The following RPS6KC1 variants were observed in gnomAD, a reference collection of about 807,000 sequenced individuals.
The protein encoded by RPS6KC1 is inactive ribosomal protein S6 kinase delta-1.
In RPS6KC1, 54 loss-of-function variants were observed where a neutral mutation model predicts 103.8. The observed-to-expected ratio is 0.52, with a 90% confidence interval of 0.42 to 0.65. The LOEUF (loss-of-function observed/expected upper bound fraction) is 0.65. Ranked by LOEUF, RPS6KC1 falls within the 30% of genes least tolerant of loss-of-function variation. The pLI is 0.00. For synonymous variants in RPS6KC1, 439 were observed against 438.7 expected (o/e 1.00, Z -0.01); for missense variants, 1,151 against 1,253.8 (o/e 0.92, Z 1.24).
chr1:213,602,000 T>C, the RPS6KC1 span, among the ~76,000 whole-genome samples: 1 of 49,044 alleles, frequency 2.0e-5, no homozygotes, highest in Non-Finnish European at 4.3e-5. Context: ...TTCTTTCTTT[T>C]CTTTTCTTTT....
intron 1 of RPS6KC1, among the ~76,000 whole-genome samples, chr1:213,052,987 C>G (rs1324576951): frequency 6.6e-6 from 1 of 152,196 alleles, no homozygotes; most frequent in Non-Finnish European, 1.5e-5. Flanking sequence ...ACCTGACCTG[C>G]TATTGCCGAT....
At chr1:213,395,474 G>C in the RPS6KC1 span, among the ~76,000 whole-genome samples, 1 of 152,176 alleles carries the variant, frequency 6.6e-6, no homozygotes, top group South Asian at 2.1e-4. Flanking sequence ...TTGTCCATCT[G>C]CTTCATTGCA....
Position 213,059,904 on chromosome 1 carries a change from C to T in RPS6KC1, c.105+8395C>T, listed in dbSNP as rs991032635. ...ACCAGGATGGTCTCCATCTATTGACCTCGTGATCTGCCTGCCTCGGCCTCC... is the reference window on the plus strand; with the variant it reads ...ACCAGGATGGTCTCCATCTATTGACTTCGTGATCTGCCTGCCTCGGCCTCC... On this transcript the variant is annotated intron_variant, in intron 1 of 14. Coordinates refer to ENST00000366960, the MANE Select transcript of RPS6KC1 (RefSeq NM_012424.6). Among the ~76,000 whole-genome samples the T allele has an allele frequency of 2.0e-5, 3 of 152,292 alleles. 1 individual carries two copies. The highest frequency in any genetic ancestry group is 4.4e-5 in the Non-Finnish European group (3 of 68,022).
chr1:213,778,665 A>G, the RPS6KC1 span, among the ~76,000 whole-genome samples: 1 of 152,050 alleles, frequency 6.6e-6, no homozygotes, highest in Non-Finnish European at 1.5e-5. Context: ...CATACTAGGG[A>G]AGTCGAGTGA....
intron 8 of RPS6KC1, among the ~76,000 whole-genome samples, chr1:213,211,632 A>C (rs1349337609): frequency 6.6e-6 from 1 of 152,256 alleles, no homozygotes; most frequent in Non-Finnish European, 1.5e-5. Context: ...TTCTTTTTAC[A>C]TACATATAAA....
At chr1:213,703,564 T>G in the RPS6KC1 span, among the ~76,000 whole-genome samples, 1 of 152,188 alleles carries the variant, frequency 6.6e-6, no homozygotes, top group African/African-American at 2.4e-5. Context: ...AGTTTTTGTT[T>G]GTCTGGAGAA....
the RPS6KC1 span, among the ~76,000 whole-genome samples, chr1:213,638,056 C>A: frequency 3.3e-5 from 5 of 151,902 alleles, no homozygotes; most frequent in African/African-American, 1.2e-4. Context: ...TGGGTTCAAG[C>A]AATCCTCCTA....
the RPS6KC1 span, among the ~76,000 whole-genome samples, chr1:213,578,343 CTG>C: frequency 6.6e-6 from 1 of 152,238 alleles, no homozygotes; most frequent in African/African-American, 2.4e-5. Context: ...TGGAAGGGAA[CTG>C]TGAAGTTGAA....
chr1:213,602,114 T>TCTCTCTCTCTCTC, the RPS6KC1 span, among the ~76,000 whole-genome samples: 2 of 38,004 alleles, frequency 5.3e-5, no homozygotes, highest in African/African-American at 2.3e-4. Flanking sequence ...CTTTCTTTCT[T>TCTCTCTCTCTCTC]TCTTTCTCTT....
chr1:213,631,960 T>C, the RPS6KC1 span, among the ~76,000 whole-genome samples: 74 of 152,292 alleles, frequency 4.9e-4, no homozygotes, highest in Middle Eastern at 3.4e-3. Flanking sequence ...TTCTCCATCA[T>C]TGTAGTGTTG....
chr1:213,471,546 G>C, the RPS6KC1 span, among the ~76,000 whole-genome samples: 1 of 152,096 alleles, frequency 6.6e-6, no homozygotes, highest in East Asian at 1.9e-4. Flanking sequence ...TTCCCTCACT[G>C]TCATCCTCCT....
chr1:213,678,696 G>A, the RPS6KC1 span, among the ~76,000 whole-genome samples: 1 of 152,170 alleles, frequency 6.6e-6, no homozygotes, highest in African/African-American at 2.4e-5. Flanking sequence ...AGTGTCTTGG[G>A]CATTTCTAAT....
At chr1:213,068,483 C>CAAAAAAA (rs71147057) in intron 1 of RPS6KC1, among the ~76,000 whole-genome samples, 2 of 36,350 alleles carry the variant, frequency 5.5e-5, no homozygotes, top group African/African-American at 1.1e-4. Context: ...GACTCTGTCT[C>CAAAAAAA]AAAAAAAAAA....
At chr1:213,416,519 C>T in the RPS6KC1 span, among the ~76,000 whole-genome samples, 8 of 152,134 alleles carry the variant, frequency 5.3e-5, no homozygotes, top group Admixed American at 3.9e-4. Flanking sequence ...GAAAGGGTAG[C>T]GTGAAAATCA....
At chr1:213,329,001 C>T in the RPS6KC1 span, among the ~76,000 whole-genome samples, 345 of 152,202 alleles carry the variant, frequency 2.3e-3, 2 homozygotes, top group African/African-American at 7.9e-3. Flanking sequence ...GCCCTGAGCC[C>T]CCTAACCAGG....
At chr1:213,406,902 A>C in the RPS6KC1 span, among the ~76,000 whole-genome samples, 2 of 152,152 alleles carry the variant, frequency 1.3e-5, no homozygotes, top group African/African-American at 4.8e-5. Flanking sequence ...TACAAATGAG[A>C]GCGCTGAGGC....
the RPS6KC1 span, among the ~76,000 whole-genome samples, chr1:213,511,546 C>G: frequency 3.3e-5 from 5 of 152,182 alleles, no homozygotes; most frequent in African/African-American, 9.7e-5. Flanking sequence ...TGCTCCGAAT[C>G]CCCCAGCAGC....
chr1:213,459,194 TTG>T, the RPS6KC1 span, among the ~76,000 whole-genome samples: 1 of 152,220 alleles, frequency 6.6e-6, no homozygotes, highest in African/African-American at 2.4e-5. Flanking sequence ...CAGCTCCTGT[TTG>T]TACGTCTGGT....
the RPS6KC1 span, among the ~76,000 whole-genome samples, chr1:213,593,793 G>C: frequency 6.6e-6 from 1 of 152,178 alleles, no homozygotes. Context: ...TGCATGCCCC[G>C]ATACAATGGC....
Sources: allele counts gnomAD v4.1 joint callset (sites outside exome capture counted in the v4.1 genomes callset), GRCh38; gene constraint gnomAD v4.1.1; transcripts MANE v1.5; gene names NCBI Gene and HGNC (gene_info 2026-07-23, HGNC 2026-07-21).